The following TSPAN14 variants were observed in gnomAD, a reference collection of about 807,000 sequenced individuals.
The protein encoded by TSPAN14 is tetraspanin-14.
Under a neutral mutation model 36.6 loss-of-function variants are expected in TSPAN14, and 16 were observed. That is an observed-to-expected ratio of 0.44 (90% confidence interval 0.30 to 0.66). TSPAN14 has a LOEUF of 0.66. Among genes scored for constraint, TSPAN14 ranks in the 30% least tolerant of loss-of-function variants. The pLI, the probability that TSPAN14 is intolerant of heterozygous loss-of-function variation, is 0.12. For missense variants in TSPAN14, 231 were observed against 355.1 expected (o/e 0.65, Z 2.81); for synonymous variants, 139 against 143.8 (o/e 0.97, Z 0.24).
exon 9 of TSPAN14, chr10:80,520,950 CG>C (rs564123224): frequency 6.0e-4 from 264 of 438,088 alleles, no homozygotes; most frequent in African/African-American, 4.9e-3. Context: ...CACCAGCCTC[CG>C]GGGAATCCCA....
chr10:80,512,632 G>A (rs941854122), intron 6 of TSPAN14, among the ~76,000 whole-genome samples: 3 of 152,180 alleles, frequency 2.0e-5, no homozygotes, highest in South Asian at 2.1e-4. Flanking sequence ...AACAGTGCAC[G>A]GGGGCTGTGG....
intron 1 of TSPAN14, among the ~76,000 whole-genome samples, chr10:80,464,378 C>T (rs1846130574): frequency 6.6e-6 from 1 of 152,182 alleles, no homozygotes; most frequent in Non-Finnish European, 1.5e-5. Context: ...CCTTTCAGAA[C>T]AGAAATGGGG....
Position 80,509,562 on chromosome 10 carries a change from T to C in TSPAN14, c.450+91T>C. On this transcript the variant is annotated intron_variant, in intron 5 of 8. Transcript: ENST00000429989. The surrounding 1 kb of genome is among the most constrained non-coding windows in gnomAD (Gnocchi z 4.7). ...TAGCAGGGGCATCAGGCCTTCTCTGTGGGTTGTCTGCCTGCAGCTTGGCAG... is the reference window on the plus strand; with the variant it reads ...TAGCAGGGGCATCAGGCCTTCTCTGCGGGTTGTCTGCCTGCAGCTTGGCAG... 1 of 1,389,690 alleles carries C rather than the reference T, an allele frequency of 7.2e-7. No homozygotes were observed. The highest frequency in any genetic ancestry group is 9.8e-7 in the Non-Finnish European group (1 of 1,017,022). The allele number at this position is 1,389,690 out of a possible 1,614,324, so 86.1% of individuals were successfully genotyped here.
chr10:80,511,766 CTCTCT>C lies in TSPAN14; in HGVS notation c.451-377_451-373del, dbSNP rs1564745309. ...TCTCTCTCTCTCTCTCTCTCTCTCT[CTCTCT>C]CCCCTTTTTTCTTTCTCTCCTTTTC... is the stretch of plus-strand genomic sequence containing the variant. On this transcript the variant is annotated intron_variant, in intron 5 of 8. Coordinates refer to ENST00000429989, the Ensembl canonical transcript of TSPAN14. Among the ~76,000 whole-genome samples, 157 of 120,218 alleles carry C rather than the reference CTCTCT, an allele frequency of 1.3e-3. 6 individuals are homozygous for C. Among genetic ancestry groups the C allele is most frequent in the African/African-American group, 2.1e-3 (62 of 29,464 alleles). 78.9% of individuals were successfully genotyped at this position (120,218 alleles called of 152,430 possible).
chr10:80,513,209 T>C (rs926340874), intron 6 of TSPAN14, among the ~76,000 whole-genome samples: 2 of 152,172 alleles, frequency 1.3e-5, no homozygotes, highest in South Asian at 4.1e-4. Flanking sequence ...TGTCCTTTCT[T>C]TACCTATTGG....
rs537741969 is a variant in TSPAN14, at chr10:80,493,782, G to A, written c.81+4468G>A. Among the ~76,000 whole-genome samples the A allele has an allele frequency of 2.2e-4, 33 of 152,332 alleles. No homozygotes were observed. The South Asian group carries it at 6.8e-3, about 32-fold the overall frequency. ...GGGGAGTTGTTGGTTAGTGGGTACA[G>A]AAGATCTCACTTTGATGTGCAGAGG... On this transcript the variant is annotated intron_variant, in intron 2 of 8. Transcript: ENST00000429989.
exon 9 of TSPAN14, chr10:80,518,458 G>T (rs368680589): frequency 5.8e-6 from 1 of 172,334 alleles, no homozygotes; most frequent in African/African-American, 2.4e-5. Flanking sequence ...GGGCCTGCCC[G>T]TAACGGGAGG....
At position 80,509,956 on chromosome 10, in the gene TSPAN14, AG is replaced by A. The variant is rs1308277215; in HGVS notation, c.450+486del. ...TAAGAAGCCAGGGCTGCCTGGAGGA[AG>A]CTTTGTCAGATCTAGTGGAATGTGA... On this transcript the variant is annotated intron_variant, in intron 5 of 8. Coordinates refer to ENST00000429989, the Ensembl canonical transcript of TSPAN14. The surrounding 1 kb of genome is among the most constrained non-coding windows in gnomAD (Gnocchi z 4.7). 3.7e-5 allele frequency: 6 copies of A among 162,032 alleles called. No homozygotes were observed. Among genetic ancestry groups the A allele is most frequent in the African/African-American group, 1.4e-4 (6 of 41,594 alleles). 10.0% of individuals were successfully genotyped at this position (162,032 alleles called of 1,614,324 possible).
chr10:80,520,103 A>G (rs1429811184), exon 9 of TSPAN14: 1 of 160,148 alleles, frequency 6.2e-6, no homozygotes, highest in Admixed American at 5.9e-5. Flanking sequence ...CTTTCTGTGA[A>G]GGGGGTTGGT....
intron 4 of TSPAN14, 39 bp downstream of exon 4, chr10:80,507,413 T>A: frequency 6.2e-7 from 1 of 1,613,694 alleles, no homozygotes. Flanking sequence ...TAGGATGCAA[T>A]GGGGTACAGG....
chr10:80,493,801 G>T (rs1242962640), intron 2 of TSPAN14, among the ~76,000 whole-genome samples: 1 of 152,214 alleles, frequency 6.6e-6, no homozygotes, highest in Admixed American at 6.5e-5. Flanking sequence ...ACTTTGATGT[G>T]CAGAGGAAGG....
chr10:80,474,212 A>G (rs1846723298), intron 1 of TSPAN14, among the ~76,000 whole-genome samples: 1 of 152,242 alleles, frequency 6.6e-6, no homozygotes, highest in African/African-American at 2.4e-5. Context: ...TGGGAGCCTC[A>G]AAGGCCAGGT....
At chr10:80,474,516 CTGAG>C (rs1292969945) in intron 1 of TSPAN14, among the ~76,000 whole-genome samples, 1 of 151,466 alleles carries the variant, frequency 6.6e-6, no homozygotes, top group African/African-American at 2.4e-5. Flanking sequence ...AGGAAAGCTC[CTGAG>C]TGTCTGGGTG....
chr10:80,516,520 A>G (rs1343266476), intron 8 of TSPAN14, among the ~76,000 whole-genome samples, 197 bp downstream of exon 8: 1 of 152,238 alleles, frequency 6.6e-6, no homozygotes, highest in Non-Finnish European at 1.5e-5. Context: ...GGTGGCTTCC[A>G]TAAACGCTAC....
intron 1 of TSPAN14, among the ~76,000 whole-genome samples, chr10:80,478,982 T>G (rs958767693): frequency 3.3e-5 from 5 of 152,150 alleles, no homozygotes; most frequent in Admixed American, 1.3e-4. Flanking sequence ...ATGATTGCCA[T>G]TCTAACTGGT....
intron 1 of TSPAN14, among the ~76,000 whole-genome samples, chr10:80,465,181 G>T (rs76080317): frequency 6.6e-6 from 1 of 152,042 alleles, no homozygotes; most frequent in Non-Finnish European, 1.5e-5. Flanking sequence ...GAGTTCTGCC[G>T]AGTCTTCCCG....
intron 1 of TSPAN14, among the ~76,000 whole-genome samples, chr10:80,469,666 C>T (rs1195292753): frequency 6.6e-6 from 1 of 152,212 alleles, no homozygotes; most frequent in African/African-American, 2.4e-5. Flanking sequence ...ATTCTGCCGC[C>T]TCTTCCTCCT....
At chr10:80,504,191 C>T (rs772053946) in intron 2 of TSPAN14, among the ~76,000 whole-genome samples, 21 of 152,322 alleles carry the variant, frequency 1.4e-4, no homozygotes, top group South Asian at 1.2e-3. Flanking sequence ...AGTGAATGGC[C>T]TGGGCCACTG....
intron 1 of TSPAN14, among the ~76,000 whole-genome samples, chr10:80,484,129 C>A (rs118102244): frequency 0.077 from 11,689 of 150,830 alleles, 516 homozygotes; most frequent in South Asian, 0.16. Flanking sequence ...CCTGTGGTCC[C>A]AGCTACTCCA....
Sources: allele counts gnomAD v4.1 joint callset (sites outside exome capture counted in the v4.1 genomes callset), GRCh38; gene constraint gnomAD v4.1.1; non-coding constraint Gnocchi (gnomAD v3.1); transcripts MANE v1.5; gene names NCBI Gene and HGNC (gene_info 2026-07-23, HGNC 2026-07-21).